Variants in OSCAR observed in about 807,000 individuals in gnomAD.
OSCAR encodes the protein osteoclast associated Ig-like receptor.
A neutral mutation model predicts 27.3 loss-of-function variants in OSCAR; 25 were observed. That is an observed-to-expected ratio of 0.92 (90% CI 0.67 to 1.28). The LOEUF (loss-of-function observed/expected upper bound fraction) is 1.28. Among genes scored for constraint, OSCAR ranks in the 50% most tolerant of loss-of-function variants. The pLI is 0.00. For synonymous variants in OSCAR, 158 were observed against 165.7 expected, an observed-to-expected ratio of 0.95 and a Z score of 0.36; for missense variants, 354 against 355.1, an observed-to-expected ratio of 1.00 and a Z score of 0.03.
chr19:54,099,036 T>C (rs587737766), intron 2 of OSCAR, among the ~76,000 whole-genome samples: 19 of 123,738 alleles, frequency 1.5e-4, no homozygotes, highest in Admixed American at 3.4e-4. Flanking sequence ...ATAGCGACAC[T>C]GAAATATCTC....
chr19:54,097,738 C>T (rs1301940871), intron 2 of OSCAR, among the ~76,000 whole-genome samples: 2 of 147,236 alleles, frequency 1.4e-5, no homozygotes, highest in Admixed American at 7.0e-5. Context: ...GGACCACAGG[C>T]ACATGCCACT....
At chr19:54,096,285 CCTGT>C (rs1343592855) in intron 3 of OSCAR, 132 bp from the exon 4 acceptor site, 10 of 837,858 alleles carry the variant, frequency 1.2e-5, no homozygotes, top group African/African-American at 7.3e-5. Context: ...TTTCTCTCTG[CCTGT>C]CTCTCTCTCT....
chr19:54,096,918 T>C lies in OSCAR; in HGVS notation c.317A>G (p.Asp106Gly). 6.2e-7 allele frequency: 1 copy of C among 1,614,106 alleles called. No homozygotes were observed. Among genetic ancestry groups the C allele is most frequent in the Non-Finnish European group, 8.5e-7 (1 of 1,180,026 alleles). Residue 106 changes from aspartate (D) to glycine (G), a missense_variant, in exon 3 of 5, where the codon GAC (aspartate) becomes GGC (glycine). Coordinates refer to ENST00000358375, the MANE Select transcript of OSCAR (RefSeq NM_133169.6). ...CTGGGACCAGACACCCGGCCCCCAGTCTGGCCTTCGGTAGCAGCAGCGGTA... is the reference window on the plus strand; with the variant it reads ...CTGGGACCAGACACCCGGCCCCCAGCCTGGCCTTCGGTAGCAGCAGCGGTA... ...GSYRCCYRRP[D>G]WGPGVWSQPS...
At position 54,095,339 on chromosome 19, in the gene OSCAR, T is replaced by C. The variant is rs8106130; in HGVS notation, c.674A>G (p.Tyr225Cys). ...ISWEDSGSSD[Y>C]TRGNLVRLGL... The stretch of plus-strand genomic sequence containing the variant: ...CAGGCGGACTAGGTTCCCCCGGGTG[T>C]AGTCGGAGGAGCCAGAGTCTGCGGG... Residue 225 changes from tyrosine (Y) to cysteine (C), a missense_variant, in exon 5 of 5, where the codon TAC (tyrosine) becomes TGC (cysteine). Tyr to Cys is a radical substitution (Grantham distance 194). Coordinates refer to ENST00000358375, the MANE Select transcript of OSCAR (RefSeq NM_133169.6). The C allele has an allele frequency of 5.5e-5, 86 of 1,567,736 alleles. No individual in the cohort carries two copies. Among genetic ancestry groups the C allele is most frequent in the South Asian group, 3.0e-4 (26 of 85,472 alleles).
Position 54,097,123 on chromosome 19 carries a change from G to GA in OSCAR, c.111dup (p.Gln38SerfsTer213). The GA allele has an allele frequency of 6.2e-7, 1 of 1,614,202 alleles. No homozygotes were observed. The highest frequency in any genetic ancestry group is 1.7e-4 in the Middle Eastern group (1 of 6,058). On this transcript the variant is annotated frameshift_variant, in exon 3 of 5. Transcript: ENST00000358375. LOFTEE classifies it high-confidence loss of function. ...CCAGGGGTCACAACTGTAGCCGGCTGAGCTCCCAGCCATGGCTTAGGGTGG... is the reference window on the plus strand; with the variant it reads ...CCAGGGGTCACAACTGTAGCCGGCTGAAGCTCCCAGCCATGGCTTAGGGTGG...
intron 2 of OSCAR, among the ~76,000 whole-genome samples, chr19:54,099,017 G>A (rs766959033): frequency 9.3e-5 from 14 of 150,474 alleles, no homozygotes; most frequent in Non-Finnish European, 1.8e-4. Context: ...TAAATAGGTA[G>A]AGATAGCTAT....
chr19:54,095,701 G>A (rs998519542), intron 4 of OSCAR, 171 bp downstream of exon 4: 1 of 1,162,932 alleles, frequency 8.6e-7, no homozygotes, highest in Non-Finnish European at 1.2e-6. Flanking sequence ...TCTGAGGGAG[G>A]AGGGGCTGGG....
In OSCAR at chr19:54,097,113, G is replaced by A. The variant is rs779450117; in HGVS notation, c.122C>T (p.Thr41Ile). The A allele has an allele frequency of 1.7e-5, 28 of 1,614,106 alleles. No homozygotes were observed. The highest frequency in any genetic ancestry group is 2.7e-5 in the African/African-American group (2 of 74,952). ...PKPWLGAQPA[T>I]VVTPGVNVTL... ...CACGTTGACCCCAGGGGTCACAACT[G>A]TAGCCGGCTGAGCTCCCAGCCATGG... Residue 41 changes from threonine (T) to isoleucine (I), a missense_variant, in exon 3 of 5, where the codon ACA (threonine) becomes ATA (isoleucine). Physicochemically the swap from Thr to Ile is moderately conservative, Grantham distance 89. Transcript: ENST00000358375.
At chr19:54,100,575 C>T (rs587680936) in intron 1 of OSCAR, among the ~76,000 whole-genome samples, 181 bp downstream of exon 1, 1 of 152,316 alleles carries the variant, frequency 6.6e-6, no homozygotes, top group African/African-American at 2.4e-5. Flanking sequence ...CTTCCTCTTT[C>T]GGGAATCTGT....
chr19:54,096,119 GGGCAGCGCCACCAGCGACGGCCGC>G lies in OSCAR; in HGVS notation c.384_407del (p.Arg129_Pro136del), dbSNP rs1226957642. The G allele has an allele frequency of 6.5e-7, 1 of 1,527,108 alleles. No homozygotes were observed. The highest frequency in any genetic ancestry group is 1.4e-5 in the African/African-American group (1 of 71,882). The allele number at this position is 1,527,108 out of a possible 1,614,324, so 94.6% of individuals were successfully genotyped here. A position where few individuals can be genotyped will look rare whatever the true frequency, so the allele number is the denominator to read the frequency against. On this transcript the variant is annotated inframe_deletion, in exon 4 of 5. Transcript: ENST00000358375. The stretch of plus-strand genomic sequence containing the variant: ...TGGCGCCAGGACCCACCACCGGCCC[GGGCAGCGCCACCAGCGACGGCCGC>G]GGCAGCTCCTCTGCAGAGACGGGGT...
At position 54,096,928 on chromosome 19, in the gene OSCAR, G is replaced by A. The variant is rs143325605; in HGVS notation, c.307C>T (p.Arg103Ter). Residue 103 changes from arginine (R) to a stop codon, truncating the protein, a stop_gained, in exon 3 of 5, where the codon CGA becomes TGA. Coordinates refer to ENST00000358375, the MANE Select transcript of OSCAR (RefSeq NM_133169.6). LOFTEE classifies it high-confidence loss of function. ...ACACCCGGCCCCCAGTCTGGCCTTC[G>A]GTAGCAGCAGCGGTAACTTCCCCCT... ...AQGGSYRCCY[R>*]RPDWGPGVWS... is the part of the protein sequence containing the mutation. 4 of 1,614,160 alleles carry A rather than the reference G, an allele frequency of 2.5e-6. No individual in the cohort carries two copies. The highest frequency in any genetic ancestry group is 2.5e-6 in the Non-Finnish European group (3 of 1,180,026).
chr19:54,099,499 G>A, intron 2 of OSCAR: 2 of 1,231,672 alleles, frequency 1.6e-6, no homozygotes, highest in Non-Finnish European at 2.4e-6. Context: ...CTTGTTCTAG[G>A]TCATATGGTC....
chr19:54,096,144 G>T lies in OSCAR; in HGVS notation c.383C>A (p.Pro128Gln), dbSNP rs896962072. 12 of 1,521,260 alleles carry T rather than the reference G, an allele frequency of 7.9e-6. No individual in the cohort carries two copies. Among genetic ancestry groups the T allele is most frequent in the Admixed American group, 4.1e-5 (2 of 49,194 alleles). The allele number at this position is 1,521,260 out of a possible 1,614,324, so 94.2% of individuals were successfully genotyped here. ...VLELLVTEEL[P>Q]RPSLVALPGP... ...GGGCAGCGCCACCAGCGACGGCCGC[G>T]GCAGCTCCTCTGCAGAGACGGGGTG... Residue 128 changes from proline to glutamine, a missense_variant, in exon 4 of 5, where the codon CCG becomes CAG. Physicochemically the swap from Pro to Gln is moderately conservative, Grantham distance 76 (BLOSUM62 -1). Coordinates refer to ENST00000358375, the MANE Select transcript of OSCAR (RefSeq NM_133169.6).
chr19:54,095,793 G>T (rs1370276225), intron 4 of OSCAR, 79 bp downstream of exon 4: 1 of 1,544,862 alleles, frequency 6.5e-7, no homozygotes, highest in African/African-American at 1.4e-5. Context: ...GGGGGCCTGG[G>T]CTCCTGGGTC....
In OSCAR at chr19:54,095,193, A is replaced by T; in HGVS notation, c.*28T>A. 6.2e-7 allele frequency: 1 copy of T among 1,603,554 alleles called. No individual in the cohort carries two copies. The highest frequency in any genetic ancestry group is 8.5e-7 in the Non-Finnish European group (1 of 1,174,572). On this transcript the variant is annotated 3_prime_UTR_variant, in exon 5 of 5. Transcript: ENST00000358375. Reference sequence around the variant, plus strand: ...CCAGCTTCTCCGCCACTCAGGTTGGAAGTCTCGGGCTGCAGTGCTCCTGGG... The same window carrying T: ...CCAGCTTCTCCGCCACTCAGGTTGGTAGTCTCGGGCTGCAGTGCTCCTGGG...
chr19:54,099,852 G>A lies in OSCAR; in HGVS notation c.38-72C>T, dbSNP rs587671268. 2.6e-4 allele frequency: 396 copies of A among 1,512,486 alleles called. 1 individual carries two copies. The Middle Eastern group carries it at 3.5e-3, about 13-fold the overall frequency. The allele number at this position is 1,512,486 out of a possible 1,614,324, so 93.7% of individuals were successfully genotyped here. A position where few individuals can be genotyped will look rare whatever the true frequency, so the allele number is the denominator to read the frequency against. ...GTCTGAGGCAGAGTCTCACTCTGTC[G>A]CCCAGGCTGGAGTGTAGTGGTGTGA... On this transcript the variant is annotated intron_variant, in intron 1 of 4. Transcript: ENST00000358375.
chr19:54,098,343 T>C (rs2072858706), intron 2 of OSCAR, among the ~76,000 whole-genome samples: 1 of 152,168 alleles, frequency 6.6e-6, no homozygotes, highest in Admixed American at 6.6e-5. Context: ...GGTGGGTGCA[T>C]CACCTGAGGT....
chr19:54,099,867 T>C (rs1432491960), intron 1 of OSCAR, 87 bp from the exon 2 acceptor site: 13 of 1,458,566 alleles, frequency 8.9e-6, no homozygotes, highest in African/African-American at 5.8e-5. Context: ...GGCTGGAGTG[T>C]AGTGGTGTGA....
chr19:54,095,502 A>G (rs1420057261), intron 4 of OSCAR, 145 bp from the exon 5 acceptor site: 28 of 1,424,248 alleles, frequency 2.0e-5, no homozygotes, highest in East Asian at 2.5e-5. Flanking sequence ...GGAGGCTTCA[A>G]CTCCTGGGTC....
Sources: gnomAD v4.1 joint callset for allele counts (sites outside exome capture counted in the v4.1 genomes callset) on GRCh38, gnomAD v4.1.1 for gene constraint, MANE v1.5 for transcripts, NCBI Gene and HGNC (gene_info 2026-07-23, HGNC 2026-07-21) for gene names.